CERS6: variants seen among roughly 807,000 people sequenced by gnomAD.
The protein encoded by CERS6 is LAG1 homolog, ceramide synthase 6.
In CERS6, 26 loss-of-function variants were observed where a neutral mutation model predicts 56.8. The ratio of observed to expected loss-of-function variants is 0.46; its 90% CI spans 0.34 to 0.63. CERS6 has a LOEUF of 0.63. CERS6 is among the 30% of genes least tolerant of loss of function. The probability of loss-of-function intolerance (pLI) is 0.01; values close to 1 mark genes in which losing one functional copy is unlikely to be tolerated. For missense variants in CERS6, 415 were observed against 467.5 expected, an observed-to-expected ratio of 0.89 and a Z score of 1.04; for synonymous variants, 164 against 173.3, an observed-to-expected ratio of 0.95 and a Z score of 0.42.
At chr2:168,658,780 C>G (rs373025620) in intron 4 of CERS6, among the ~76,000 whole-genome samples, 27 of 152,306 alleles carry the variant, frequency 1.8e-4, no homozygotes, top group African/African-American at 6.3e-4. Flanking sequence ...TCTTACAGCA[C>G]ATTATGTGAT....
intron 9 of CERS6, among the ~76,000 whole-genome samples, chr2:168,767,302 T>C (rs1684752227): frequency 6.6e-6 from 1 of 152,232 alleles, no homozygotes; most frequent in Non-Finnish European, 1.5e-5. Flanking sequence ...TTTTGAGATA[T>C]TCTAAATTGT....
intron 7 of CERS6, 99 bp from the exon 8 acceptor site, chr2:168,717,773 T>C: frequency 2.7e-6 from 2 of 741,636 alleles, no homozygotes; most frequent in Non-Finnish European, 4.3e-6. Flanking sequence ...ATTTTATGCA[T>C]CTGGTAAGGT....
At chr2:168,506,575 G>C (rs1558976225) in intron 1 of CERS6, among the ~76,000 whole-genome samples, 1 of 152,142 alleles carries the variant, frequency 6.6e-6, no homozygotes, top group Non-Finnish European at 1.5e-5. Context: ...AGTTTGTCTT[G>C]GGGTTTGGGA....
chr2:168,554,506 G>A (rs1383719573), intron 2 of CERS6, among the ~76,000 whole-genome samples: 85 of 152,172 alleles, frequency 5.6e-4, no homozygotes, highest in Non-Finnish European at 7.3e-5. Flanking sequence ...AGGCATGAGG[G>A]AAGATGCTGT....
chr2:168,459,667 A>C (rs1269320827), intron 1 of CERS6, among the ~76,000 whole-genome samples: 2 of 152,114 alleles, frequency 1.3e-5, no homozygotes, highest in African/African-American at 2.4e-5. Flanking sequence ...TGATTCTCTT[A>C]GAATAAAAAT....
intron 4 of CERS6, among the ~76,000 whole-genome samples, chr2:168,672,814 C>A (rs1024975560): frequency 6.6e-6 from 1 of 152,106 alleles, no homozygotes; most frequent in East Asian, 1.9e-4. Flanking sequence ...TGCAGCTCCT[C>A]CCCCAAAAAA....
intron 3 of CERS6, among the ~76,000 whole-genome samples, chr2:168,579,963 A>G (rs1247345535): frequency 6.6e-6 from 1 of 152,180 alleles, no homozygotes; most frequent in Non-Finnish European, 1.5e-5. Flanking sequence ...AGTCCCCTTG[A>G]TAATCACAAC....
chr2:168,497,368 G>A (rs1475487549), intron 1 of CERS6, among the ~76,000 whole-genome samples: 1 of 151,502 alleles, frequency 6.6e-6, no homozygotes, highest in Admixed American at 6.6e-5. Context: ...AAATACCACA[G>A]CAATAAATAA....
chr2:168,508,910 C>T (rs1694728947), intron 1 of CERS6, among the ~76,000 whole-genome samples: 1 of 152,098 alleles, frequency 6.6e-6, no homozygotes, highest in African/African-American at 2.4e-5. Context: ...AGTCAGATTA[C>T]TGTTAAGTGT....
At position 168,552,349 on chromosome 2, in the gene CERS6, TACACACACACACACAC is replaced by T. The variant is rs56340726; in HGVS notation, c.276+4675_276+4690del. Among the ~76,000 whole-genome samples the T allele has an allele frequency of 1.1e-4, 16 of 140,102 alleles. No homozygotes were observed. The South Asian group carries it at 2.7e-3, about 24-fold the overall frequency. 91.9% of individuals were successfully genotyped at this position (140,102 alleles called of 152,430 possible). On this transcript the variant is annotated intron_variant, in intron 2 of 9. Coordinates refer to ENST00000305747, the MANE Select transcript of CERS6 (RefSeq NM_203463.3). ...AAACCCCCACCCTACATACAGAGTA[TACACACACACACACAC>T]ACACACACACACACACACACACACA... is the stretch of plus-strand genomic sequence containing the variant.
chr2:168,746,778 T>TATATATATAC, intron 8 of CERS6, among the ~76,000 whole-genome samples: 1 of 45,838 alleles, frequency 2.2e-5, no homozygotes, highest in Non-Finnish European at 4.1e-5. Context: ...GTAAAGGGTA[T>TATATATATAC]ATATATATAT....
intron 4 of CERS6, among the ~76,000 whole-genome samples, chr2:168,686,451 CAAAA>C (rs370352582): frequency 7.2e-6 from 1 of 139,800 alleles, no homozygotes; most frequent in Non-Finnish European, 1.5e-5. Context: ...TTAACCAAGG[CAAAA>C]AAAAAAAAAA....
At chr2:168,605,234 G>C (rs1205017180) in intron 3 of CERS6, among the ~76,000 whole-genome samples, 1 of 152,192 alleles carries the variant, frequency 6.6e-6, no homozygotes, top group African/African-American at 2.4e-5. Context: ...TTGAGGCATT[G>C]TGATGCTGCT....
intron 8 of CERS6, among the ~76,000 whole-genome samples, chr2:168,749,172 C>G (rs1684189689): frequency 6.6e-6 from 1 of 152,238 alleles, no homozygotes; most frequent in East Asian, 1.9e-4. Flanking sequence ...CTCTAAATAT[C>G]AGGCATCTTG....
rs77054649 is a variant in CERS6 at position 168,540,785 on chromosome 2, A to G, written c.171-6811A>G. On this transcript the variant is annotated intron_variant, in intron 1 of 9. Coordinates refer to ENST00000305747, the MANE Select transcript of CERS6 (RefSeq NM_203463.3). Reference sequence around the variant, plus strand: ...AGTGAGCCGTTTTGTCTGGTGAATTACAATATTTTCTTTTTATCTTTGGTT... The same window carrying G: ...AGTGAGCCGTTTTGTCTGGTGAATTGCAATATTTTCTTTTTATCTTTGGTT... 1.1e-3 allele frequency among the ~76,000 whole-genome samples: 164 copies of G among 152,282 alleles called. 1 individual carries two copies. Among genetic ancestry groups the G allele is most frequent in the African/African-American group, 3.8e-3 (159 of 41,552 alleles).
At position 168,558,737 on chromosome 2, in the gene CERS6, CTG is replaced by C. The variant is rs1474284842; in HGVS notation, c.277-2454_277-2453del. ...ACAAAAAATTAGCAGGGTGTGGTGGCTGGCGCCTGTAGTCCCAGCTACTCTGG... is the reference window on the plus strand; with the variant it reads ...ACAAAAAATTAGCAGGGTGTGGTGGCGCGCCTGTAGTCCCAGCTACTCTGG... On this transcript the variant is annotated intron_variant, in intron 2 of 9. Coordinates refer to ENST00000305747, the MANE Select transcript of CERS6 (RefSeq NM_203463.3). 9.2e-3 allele frequency among the ~76,000 whole-genome samples: 1,404 copies of C among 152,314 alleles called. 13 individuals are homozygous for C. Among genetic ancestry groups the C allele is most frequent in the African/African-American group, 0.02 (823 of 41,578 alleles).
chr2:168,667,033 A>C (rs1160507344), intron 4 of CERS6, among the ~76,000 whole-genome samples: 1 of 152,216 alleles, frequency 6.6e-6, no homozygotes. Context: ...GATTTATGTC[A>C]CAAAAAGCTG....
rs564845942 is a variant in CERS6 at position 168,593,400 on chromosome 2, T to C, written c.407+32078T>C. Among the ~76,000 whole-genome samples the C allele has an allele frequency of 3.3e-5, 5 of 152,334 alleles. No individual in the cohort carries two copies. The East Asian group carries it at 9.6e-4, about 29-fold the overall frequency. ...GCCCAGTCTGCAAGTACTCTCAATT[T>C]GGAAACCGCAGTTTTCTTGATTAAT... On this transcript the variant is annotated intron_variant, in intron 3 of 9. Coordinates refer to ENST00000305747, the MANE Select transcript of CERS6 (RefSeq NM_203463.3).
At chr2:168,695,668 C>T (rs1305596505) in intron 6 of CERS6, among the ~76,000 whole-genome samples, 1 of 152,198 alleles carries the variant, frequency 6.6e-6, no homozygotes, top group Non-Finnish European at 1.5e-5. Context: ...CCTTCAAAGT[C>T]ACTTTGCTGT....
Sources: allele counts gnomAD v4.1 joint callset (sites outside exome capture counted in the v4.1 genomes callset), GRCh38; gene constraint gnomAD v4.1.1; transcripts MANE v1.5; gene names NCBI Gene and HGNC (gene_info 2026-07-23, HGNC 2026-07-21).